The following TRPC4AP variants were observed in gnomAD, a reference collection of about 807,000 sequenced individuals.
TRPC4AP encodes the protein transient receptor potential cation channel subfamily C member 4 associated protein, also known as short transient receptor potential channel 4-associated protein.
TRPC4AP carries 45 observed loss-of-function variants against 99.0 expected under a neutral mutation model. That is an observed-to-expected ratio of 0.45 (90% CI 0.36 to 0.58). TRPC4AP has a LOEUF of 0.58. TRPC4AP is among the 20% of genes least tolerant of loss of function. TRPC4AP has a pLI of 0.00. For missense variants in TRPC4AP, 879 were observed against 985.3 expected (o/e 0.89, Z 1.44); for synonymous variants, 408 against 385.8 (o/e 1.06, Z -0.67).
At chr20:35,013,873 G>A (rs1011163342) in intron 10 of TRPC4AP, among the ~76,000 whole-genome samples, 2 of 152,218 alleles carry the variant, frequency 1.3e-5, no homozygotes, top group South Asian at 2.1e-4. Context: ...AGGGAGCCTG[G>A]CTCTGCCATG....
intron 11 of TRPC4AP, among the ~76,000 whole-genome samples, chr20:35,011,032 G>A (rs922144830): frequency 2.0e-5 from 3 of 152,198 alleles, no homozygotes; most frequent in Admixed American, 6.5e-5. Context: ...AGGTCCAGGC[G>A]GGTGGATCAC....
At chr20:35,086,249 G>A (rs971710317) in intron 1 of TRPC4AP, among the ~76,000 whole-genome samples, 7 of 151,968 alleles carry the variant, frequency 4.6e-5, no homozygotes, top group African/African-American at 1.2e-4. Context: ...GTGAGCCACC[G>A]CACCCAGCCT....
intron 11 of TRPC4AP, among the ~76,000 whole-genome samples, chr20:35,012,625 C>T (rs1439109764): frequency 1.3e-5 from 2 of 152,226 alleles, no homozygotes; most frequent in African/African-American, 4.8e-5. Context: ...AATCCTCCAG[C>T]TGCTCAGTAA....
chr20:35,005,245 G>A (rs1035866425), intron 16 of TRPC4AP, among the ~76,000 whole-genome samples: 1 of 152,118 alleles, frequency 6.6e-6, no homozygotes, highest in African/African-American at 2.4e-5. Context: ...TTGGGGGTGT[G>A]GGGGGGTCAC....
chr20:35,031,466 G>A (rs1252540719), intron 8 of TRPC4AP, among the ~76,000 whole-genome samples: 3 of 143,470 alleles, frequency 2.1e-5, no homozygotes, highest in Non-Finnish European at 4.5e-5. Flanking sequence ...GAACTCCTGA[G>A]CTCAAGCAAT....
chr20:35,054,189 G>GTT lies in TRPC4AP; in HGVS notation c.528+785_528+786dup, dbSNP rs11430339. Among the ~76,000 whole-genome samples, 1,446 of 146,744 alleles carry GTT rather than the reference G, an allele frequency of 9.9e-3. 21 individuals carry two copies. Among genetic ancestry groups the GTT allele is most frequent in the African/African-American group, 0.029 (1,177 of 40,200 alleles). On this transcript the variant is annotated intron_variant, in intron 5 of 18. Coordinates refer to ENST00000252015, the MANE Select transcript of TRPC4AP (RefSeq NM_015638.3). ...GGCAAGAAATGAAATGGAGCTAAAT[G>GTT]TTTTTTTTTTTTTATTTCCACAGCA...
intron 8 of TRPC4AP, among the ~76,000 whole-genome samples, chr20:35,028,511 A>G (rs6060164): frequency 0.59 from 89,911 of 151,988 alleles, 27,486 homozygotes; most frequent in Middle Eastern, 0.74. Flanking sequence ...TTTCTAACTC[A>G]CCCCACTGGG....
chr20:35,048,778 G>C (rs1057438897), intron 6 of TRPC4AP, among the ~76,000 whole-genome samples: 3 of 152,194 alleles, frequency 2.0e-5, no homozygotes, highest in African/African-American at 7.2e-5. Flanking sequence ...CTGCTAAGGA[G>C]TCTGGAGTTT....
intron 14 of TRPC4AP, among the ~76,000 whole-genome samples, chr20:35,006,839 T>C (rs1316869558): frequency 1.3e-5 from 2 of 152,220 alleles, no homozygotes; most frequent in African/African-American, 4.8e-5. Context: ...ACCTGCTCTG[T>C]GGTCACCAAG....
intron 3 of TRPC4AP, among the ~76,000 whole-genome samples, chr20:35,067,730 G>A (rs749197029): frequency 7.9e-5 from 12 of 152,090 alleles, no homozygotes; most frequent in Non-Finnish European, 1.2e-4. Context: ...AAATCATTAC[G>A]CTAAGTGAAA....
intron 14 of TRPC4AP, 139 bp downstream of exon 14, chr20:35,007,411 T>C (rs1177264859): frequency 1.0e-4 from 93 of 895,194 alleles, no homozygotes; most frequent in South Asian, 5.3e-5. Context: ...GGGCAAAATC[T>C]AAGGCAGCCT....
rs71299218 is a variant in TRPC4AP, at chr20:35,031,390, CTTT to C, written c.1051+3730_1051+3732del. Among the ~76,000 whole-genome samples, 440 of 73,650 alleles carry C rather than the reference CTTT, an allele frequency of 6.0e-3. 2 individuals are homozygous for C. Among genetic ancestry groups the C allele is most frequent in the African/African-American group, 0.024 (409 of 17,050 alleles). 48.3% of individuals were successfully genotyped at this position (73,650 alleles called of 152,430 possible). ...GGTGTGCACTACTACCCCTGGTTAA[CTTT>C]TTTTTTTTTTTTTTTTTTTTTTCAA... is the stretch of plus-strand genomic sequence containing the variant. On this transcript the variant is annotated intron_variant, in intron 8 of 18. Transcript: ENST00000252015.
At chr20:35,055,068 A>G in intron 4 of TRPC4AP, 37 bp from the exon 5 acceptor site, 1 of 1,585,670 alleles carries the variant, frequency 6.3e-7, no homozygotes, top group Non-Finnish European at 8.7e-7. Flanking sequence ...TATTTTTCTC[A>G]ATGAAAAGAT....
chr20:35,003,649 T>TGGTGGGAGCCCCAGTGGCC, intron 17 of TRPC4AP, 33 bp from the exon 18 acceptor site: 1 of 1,598,308 alleles, frequency 6.3e-7, no homozygotes, highest in Non-Finnish European at 8.5e-7. Context: ...GGTCAGGGGC[T>TGGTGGGAGCCCCAGTGGCC]GGTGGGAGCC....
At chr20:35,090,918 A>C (rs2085042857) in intron 1 of TRPC4AP, among the ~76,000 whole-genome samples, 1 of 129,376 alleles carries the variant, frequency 7.7e-6, no homozygotes, top group African/African-American at 3.0e-5. Context: ...ATTAAAGATA[A>C]CATATGCCTT....
chr20:35,021,829 A>T (rs28368375), intron 8 of TRPC4AP, among the ~76,000 whole-genome samples: 5,513 of 150,864 alleles, frequency 0.037, 334 homozygotes, highest in African/African-American at 0.13. Context: ...GTTTTTTAAA[A>T]GAAGAACCAT....
At chr20:35,078,209 A>G (rs1015587122) in intron 1 of TRPC4AP, 35 bp from the exon 2 acceptor site, 1 of 1,600,956 alleles carries the variant, frequency 6.2e-7, no homozygotes, top group Non-Finnish European at 8.5e-7. Flanking sequence ...ATATTATTGT[A>G]TTATTGATGA....
At chr20:35,020,562 G>A (rs1166434331) in intron 9 of TRPC4AP, among the ~76,000 whole-genome samples, 1 of 152,158 alleles carries the variant, frequency 6.6e-6, no homozygotes, top group Non-Finnish European at 1.5e-5. Context: ...TCCAGTGTCT[G>A]ACTCAGAAAG....
In TRPC4AP at chr20:35,007,517, G is replaced by A. The variant is rs559844522; in HGVS notation, c.1686+33C>T. 25 of 1,609,262 alleles carry A rather than the reference G, an allele frequency of 1.6e-5. No individual in the cohort carries two copies. In the East Asian group the frequency reaches 2.2e-4, roughly 14 times the overall value. On this transcript the variant is annotated intron_variant, in intron 14 of 18. Coordinates refer to ENST00000252015, the MANE Select transcript of TRPC4AP (RefSeq NM_015638.3). Reference sequence around the variant, plus strand: ...AGCAACGCGTGGGCTGGGGGGAGACGGAACCCAAGACACTGGCTGCTCCAG... The same window carrying A: ...AGCAACGCGTGGGCTGGGGGGAGACAGAACCCAAGACACTGGCTGCTCCAG...
Sources: gnomAD v4.1 joint callset for allele counts (sites outside exome capture counted in the v4.1 genomes callset) on GRCh38, gnomAD v4.1.1 for gene constraint, MANE v1.5 for transcripts, NCBI Gene and HGNC (gene_info 2026-07-23, HGNC 2026-07-21) for gene names.